CAPZA1: variants seen among roughly 807,000 people sequenced by gnomAD.
The protein encoded by CAPZA1 is F-actin-capping protein subunit alpha-1.
In CAPZA1, 10 loss-of-function variants were observed where a neutral mutation model predicts 40.8. The ratio of observed to expected loss-of-function variants is 0.25; its 90% CI spans 0.15 to 0.42. CAPZA1 has a LOEUF of 0.42. Among genes scored for constraint, CAPZA1 ranks in the 10% least tolerant of loss-of-function variants. The pLI is 1.00. For synonymous variants in CAPZA1, 98 were observed against 115.0 expected, an observed-to-expected ratio of 0.85 and a Z score of 0.95; for missense variants, 277 against 353.8, an observed-to-expected ratio of 0.78 and a Z score of 1.74.
intron 7 of CAPZA1, among the ~76,000 whole-genome samples, chr1:112,662,395 CTTTTTT>C (rs35100851): frequency 1.9e-4 from 18 of 97,256 alleles, no homozygotes; most frequent in Middle Eastern, 0.011. Context: ...TAGAATTTTT[CTTTTTT>C]TTTTTTTTTT....
intron 1 of CAPZA1, among the ~76,000 whole-genome samples, chr1:112,645,816 G>T (rs1185080949): frequency 6.6e-6 from 1 of 151,378 alleles, no homozygotes; most frequent in East Asian, 1.9e-4. Context: ...TAATTGTTAT[G>T]CTGGGCCTGT....
At chr1:112,623,140 C>T (rs10465647) in intron 1 of CAPZA1, among the ~76,000 whole-genome samples, 2,077 of 152,264 alleles carry the variant, frequency 0.014, 55 homozygotes, top group African/African-American at 0.047. Flanking sequence ...CTGCCTTGGC[C>T]TCCCAAAGTG....
At chr1:112,630,595 G>A (rs1020370774) in intron 1 of CAPZA1, among the ~76,000 whole-genome samples, 5 of 151,928 alleles carry the variant, frequency 3.3e-5, no homozygotes, top group Non-Finnish European at 7.4e-5. Flanking sequence ...CACCCACCTC[G>A]TCCTCCCTAA....
At chr1:112,667,726 GT>G (rs1671749838) in intron 8 of CAPZA1, among the ~76,000 whole-genome samples, 1 of 151,864 alleles carries the variant, frequency 6.6e-6, no homozygotes, top group Non-Finnish European at 1.5e-5. Context: ...TAGAGATGAG[GT>G]TTCTATGTTG....
chr1:112,652,342 C>T lies in CAPZA1; in HGVS notation c.156-1256C>T, dbSNP rs549125042. ...ACTAAATATACAGAAATTAGCTGGG[C>T]ATGGTGGCACATGGTAATCCCAGCT... On this transcript the variant is annotated intron_variant, in intron 3 of 9. Coordinates refer to ENST00000263168, the MANE Select transcript of CAPZA1 (RefSeq NM_006135.3). Among the ~76,000 whole-genome samples the T allele has an allele frequency of 1.4e-4, 21 of 151,056 alleles. No individual in the cohort carries two copies. In the South Asian group the frequency reaches 2.7e-3, roughly 20 times the overall value.
rs1209441910 is a variant in CAPZA1, at chr1:112,659,711, T to G, written c.517T>G (p.Trp173Gly). The change falls in exon 7 of 10, where the codon TGG becomes GGG. Residue 173 changes from tryptophan (W) to glycine (G), a missense_variant. This residue lies in a region of CAPZA1 where 192 missense variants were observed against 277.2 expected (regional missense o/e 0.69). Transcript: ENST00000263168. ...FQPKNFWNGR[W>G]RSEWKFTITP... Reference sequence around the variant, plus strand: ...TGTGTGTTTTAATAGGAATGGTCGTTGGAGATCAGAGTGGAAGTTCACCAT... The same window carrying G: ...TGTGTGTTTTAATAGGAATGGTCGTGGGAGATCAGAGTGGAAGTTCACCAT... 6.2e-7 allele frequency: 1 copy of G among 1,612,998 alleles called. No homozygotes were observed. The highest frequency in any genetic ancestry group is 1.3e-5 in the African/African-American group (1 of 74,850).
At chr1:112,655,957 G>A (rs1671491959) in intron 5 of CAPZA1, among the ~76,000 whole-genome samples, 1 of 151,986 alleles carries the variant, frequency 6.6e-6, no homozygotes, top group Admixed American at 6.6e-5. Flanking sequence ...GAAAAATATT[G>A]ATTAGAATAT....
chr1:112,627,420 G>T (rs13375383), intron 1 of CAPZA1, among the ~76,000 whole-genome samples: 3 of 151,680 alleles, frequency 2.0e-5, no homozygotes, highest in Non-Finnish European at 2.9e-5. Context: ...TGAGGCAGGC[G>T]GATTACTTGA....
Position 112,659,728 on chromosome 1 carries a change from G to T in CAPZA1, c.534G>T (p.Lys178Asn). 6.2e-7 allele frequency: 1 copy of T among 1,613,586 alleles called. No individual in the cohort carries two copies. Among genetic ancestry groups the T allele is most frequent in the Non-Finnish European group, 8.5e-7 (1 of 1,179,910 alleles). ...FWNGRWRSEW[K>N]FTITPPTAQV... ...ATGGTCGTTGGAGATCAGAGTGGAA[G>T]TTCACCATCACACCACCTACAGCCC... The change falls in exon 7 of 10, where the codon AAG becomes AAT. Residue 178 changes from lysine to asparagine, a missense_variant. By Grantham distance (94) the Lys-to-Asn change is moderately conservative. This residue lies in a region of CAPZA1 where 192 missense variants were observed against 277.2 expected (regional missense o/e 0.69). Coordinates refer to ENST00000263168, the MANE Select transcript of CAPZA1 (RefSeq NM_006135.3).
At chr1:112,639,803 C>A (rs559884341) in intron 1 of CAPZA1, among the ~76,000 whole-genome samples, 6 of 142,328 alleles carry the variant, frequency 4.2e-5, no homozygotes, top group Non-Finnish European at 3.1e-5. Flanking sequence ...TCTGCCCGGC[C>A]GCCCCTACTG....
intron 5 of CAPZA1, among the ~76,000 whole-genome samples, chr1:112,655,802 A>C (rs1671489373): frequency 6.6e-6 from 1 of 152,092 alleles, no homozygotes; most frequent in South Asian, 2.1e-4. Context: ...ACATCAGGTG[A>C]TCCAGCTGCC....
At chr1:112,632,430 A>T (rs1670936248) in intron 1 of CAPZA1, among the ~76,000 whole-genome samples, 1 of 152,156 alleles carries the variant, frequency 6.6e-6, no homozygotes, top group Non-Finnish European at 1.5e-5. Flanking sequence ...GGAGACCATG[A>T]GGGTAGGGGG....
intron 7 of CAPZA1, among the ~76,000 whole-genome samples, chr1:112,664,230 C>CAAA (rs570249032): frequency 4.2e-4 from 46 of 110,444 alleles, no homozygotes; most frequent in African/African-American, 1.4e-3. Context: ...GACACTGTCT[C>CAAA]AAAAAAAAAA....
intron 7 of CAPZA1, 64 bp from the exon 8 acceptor site, chr1:112,667,010 T>C: frequency 9.1e-7 from 1 of 1,098,630 alleles, no homozygotes; most frequent in Non-Finnish European, 1.4e-6. Context: ...CATGGATTTG[T>C]GTCCTAAATA....
At chr1:112,644,183 G>GTTTTTT (rs1390088435) in intron 1 of CAPZA1, among the ~76,000 whole-genome samples, 1 of 39,476 alleles carries the variant, frequency 2.5e-5, no homozygotes, top group Non-Finnish European at 4.4e-5. Context: ...TCTTCTCCCA[G>GTTTTTT]CTTTTTTTTT....
intron 2 of CAPZA1, 27 bp downstream of exon 2, chr1:112,647,300 C>G: frequency 1.7e-6 from 2 of 1,208,528 alleles, no homozygotes; most frequent in Middle Eastern, 2.1e-4. Flanking sequence ...ATTTTAATCC[C>G]TCCTTAATTA....
chr1:112,668,876 GAAAC>G (rs894031151), intron 8 of CAPZA1, among the ~76,000 whole-genome samples: 3 of 152,188 alleles, frequency 2.0e-5, no homozygotes, highest in African/African-American at 7.2e-5. Flanking sequence ...GAGTGAAAGT[GAAAC>G]AGGCAAATAA....
intron 7 of CAPZA1, among the ~76,000 whole-genome samples, chr1:112,666,351 A>G (rs548159041): frequency 6.6e-6 from 1 of 152,320 alleles, no homozygotes; most frequent in African/African-American, 2.4e-5. Context: ...TCAAATGCAC[A>G]AAAGGATACC....
chr1:112,637,108 T>TA (rs369157026), intron 1 of CAPZA1, among the ~76,000 whole-genome samples: 1 of 149,930 alleles, frequency 6.7e-6, no homozygotes. Context: ...GTTGAATGTC[T>TA]AAGTTACAAT....
Sources: gnomAD v4.1 joint callset for allele counts (sites outside exome capture counted in the v4.1 genomes callset) on GRCh38, gnomAD v4.1.1 for gene constraint, gnomAD v4.1.1 regional missense constraint, MANE v1.5 for transcripts, NCBI Gene and HGNC (gene_info 2026-07-23, HGNC 2026-07-21) for gene names.